Variants in ERCC4 observed in about 807,000 individuals in gnomAD.
ERCC4 encodes the protein DNA repair endonuclease XPF.
A neutral mutation model predicts 76.9 loss-of-function variants in ERCC4; 65 were observed. The ratio of observed to expected loss-of-function variants is 0.84; its 90% CI spans 0.69 to 1.04. The LOEUF is 1.04. Ranked by LOEUF, ERCC4 falls within the 50% of genes least tolerant of loss-of-function variation. The pLI, the probability that ERCC4 is intolerant of heterozygous loss-of-function variation, is 0.00. For synonymous variants in ERCC4, 463 were observed against 410.1 expected (o/e 1.13, Z -1.56); for missense variants, 1,214 against 1,128.2 (o/e 1.08, Z -1.09).
At chr16:13,940,611 A>G (rs895373432) in intron 9 of ERCC4, among the ~76,000 whole-genome samples, 3 of 152,160 alleles carry the variant, frequency 2.0e-5, no homozygotes, top group African/African-American at 4.8e-5. Flanking sequence ...GCTGAGTCAC[A>G]TAGACACAGA....
At chr16:13,933,781 G>A (rs3136137) in intron 6 of ERCC4, 4,317 of 160,714 alleles carry the variant, frequency 0.027, 195 homozygotes, top group African/African-American at 0.098. Flanking sequence ...ATGCGTATAG[G>A]AACAAAAAAT....
chr16:13,947,986 G>T lies in ERCC4; in HGVS notation c.2390G>T (p.Arg797Ile). The T allele has an allele frequency of 6.2e-7, 1 of 1,614,114 alleles. No homozygotes were observed. The highest frequency in any genetic ancestry group is 8.5e-7 in the Non-Finnish European group (1 of 1,180,034). Reference sequence around the variant, plus strand: ...ACTCTTCTTACACTTCACTTCCCCAGACTACGGATTCTCTGGTGCCCCTCT... The same window carrying T: ...ACTCTTCTTACACTTCACTTCCCCATACTACGGATTCTCTGGTGCCCCTCT... Reference protein sequence around the residue: ...KLTLLTLHFPRLRILWCPSPH... With the variant: ...KLTLLTLHFPILRILWCPSPH... Residue 797 changes from arginine (R) to isoleucine (I), a missense_variant, in exon 11 of 11, where the codon AGA (arginine) becomes ATA (isoleucine). Arg to Ile is a moderately conservative substitution (Grantham distance 97). Transcript: ENST00000311895.
intron 9 of ERCC4, among the ~76,000 whole-genome samples, chr16:13,939,362 G>T (rs1256273711): frequency 6.6e-6 from 1 of 152,120 alleles, no homozygotes; most frequent in Non-Finnish European, 1.5e-5. Context: ...TAGTGGAAAA[G>T]ACAGACATTA....
intron 5 of ERCC4, 64 bp downstream of exon 5, chr16:13,930,954 G>T: frequency 1.7e-6 from 2 of 1,165,090 alleles, no homozygotes; most frequent in South Asian, 2.5e-5. Flanking sequence ...AGGTTTTAGG[G>T]GGAATCAGGT....
At position 13,950,449 on chromosome 16, in the gene ERCC4, G is replaced by C. The variant is rs2032609366; in HGVS notation, c.*2102G>C. ...AAGATGATGTGGAGAGTAAGGAAAA[G>C]GAGAAGAAATAAAAATTAGTTTAAG... On this transcript the variant is annotated 3_prime_UTR_variant, in exon 11 of 11. Transcript: ENST00000311895. 5.3e-6 allele frequency: 1 copy of C among 189,284 alleles called. No individual in the cohort carries two copies. Among genetic ancestry groups the C allele is most frequent in the African/African-American group, 2.3e-5 (1 of 42,892 alleles). 11.7% of individuals were successfully genotyped at this position (189,284 alleles called of 1,614,324 possible). A position where few individuals can be genotyped will look rare whatever the true frequency, so the allele number is the denominator to read the frequency against.
At position 13,947,836 on chromosome 16, in the gene ERCC4, C is replaced by G. The variant is rs12928616; in HGVS notation, c.2240C>G (p.Ser747Cys). Reference sequence around the variant, plus strand: ...GGCCGCCTCTACAGCCAGTGCATCTCCATGTCCCGCTACTACAAGCGTCCC... The same window carrying G: ...GGCCGCCTCTACAGCCAGTGCATCTGCATGTCCCGCTACTACAAGCGTCCC... Reference protein sequence around the residue: ...NNGRLYSQCISMSRYYKRPVL... With the variant: ...NNGRLYSQCICMSRYYKRPVL... The change falls in exon 11 of 11, where the codon TCC (serine) becomes TGC (cysteine). Residue 747 changes from serine to cysteine, a missense_variant. Physicochemically the swap from Ser to Cys is moderately radical, Grantham distance 112. Coordinates refer to ENST00000311895, the MANE Select transcript of ERCC4 (RefSeq NM_005236.3). 23 of 1,614,082 alleles carry G rather than the reference C, an allele frequency of 1.4e-5. No individual in the cohort carries two copies. Among genetic ancestry groups the G allele is most frequent in the African/African-American group, 4.0e-5 (3 of 74,918 alleles).
intron 6 of ERCC4, 24 bp from the exon 7 acceptor site, chr16:13,934,168 T>G (rs2032237553): frequency 1.3e-4 from 192 of 1,443,348 alleles, no homozygotes; most frequent in Non-Finnish European, 1.8e-4. Flanking sequence ...TCACATAGAA[T>G]GAGATATTTT....
Position 13,935,126 on chromosome 16 carries a change from ATGT to A in ERCC4, c.1214-15_1214-13del, listed in dbSNP as rs2032256938. ...GGACAAGTGAGGTAATAGTAACATA[ATGT>A]TGTTTTCTATTTTCAGGTCAAGTAC... is the stretch of plus-strand genomic sequence containing the variant. On this transcript the variant is annotated splice_polypyrimidine_tract_variant and intron_variant, in intron 7 of 10. Transcript: ENST00000311895. 4 of 1,556,244 alleles carry A rather than the reference ATGT, an allele frequency of 2.6e-6. No individual in the cohort carries two copies. Among genetic ancestry groups the A allele is most frequent in the African/African-American group, 2.7e-5 (2 of 73,868 alleles).
At chr16:13,927,397 A>G (rs753152949) in intron 3 of ERCC4, 47 of 159,394 alleles carry the variant, frequency 2.9e-4, no homozygotes, top group Non-Finnish European at 5.1e-4. Context: ...TGTCTCTACT[A>G]TAAATACAAA....
chr16:13,951,661 T>C lies in ERCC4; in HGVS notation c.*3314T>C, dbSNP rs1310147838. 4 of 218,132 alleles carry C rather than the reference T, an allele frequency of 1.8e-5. No homozygotes were observed. Among genetic ancestry groups the C allele is most frequent in the Non-Finnish European group, 2.8e-5 (3 of 108,714 alleles). 13.5% of individuals were successfully genotyped at this position (218,132 alleles called of 1,614,324 possible). A position where few individuals can be genotyped will look rare whatever the true frequency, so the allele number is the denominator to read the frequency against. On this transcript the variant is annotated 3_prime_UTR_variant, in exon 11 of 11. Transcript: ENST00000311895. ...GGATGTGAAGGGTTAAGTCTAGATT[T>C]GGTCGCATTGAAACCCCACAATATA...
chr16:13,934,310 A>G lies in ERCC4; in HGVS notation c.1213+8A>G, dbSNP rs896172499. 2.5e-6 allele frequency: 4 copies of G among 1,568,926 alleles called. No individual in the cohort carries two copies. The highest frequency in any genetic ancestry group is 3.5e-6 in the Non-Finnish European group (4 of 1,139,084). ...AAGCTCTTGGTGGTCCAGGTAGGAA[A>G]AAAGGAGATGAAAACATTTGCTTCC... is the stretch of plus-strand genomic sequence containing the variant. On this transcript the variant is annotated splice_region_variant and intron_variant, in intron 7 of 10. Coordinates refer to ENST00000311895, the MANE Select transcript of ERCC4 (RefSeq NM_005236.3).
rs745648039 is a variant in ERCC4, at chr16:13,926,573, A to C, written c.401A>C (p.Tyr134Ser). The change falls in exon 3 of 11, where the codon TAT becomes TCT. Residue 134 changes from tyrosine to serine, a missense_variant. By Grantham distance (144) the Tyr-to-Ser change is moderately radical. Transcript: ENST00000311895. ...TTCTCCCCCTCAGGCATCTTGGTGT[A>C]TAGAGCCCACAGAATAATCGAGTCT... ...PSDLITGILVYRAHRIIESCQ... is the reference protein window; with the variant it reads ...PSDLITGILVSRAHRIIESCQ... 5.0e-6 allele frequency: 8 copies of C among 1,613,934 alleles called. No homozygotes were observed. The highest frequency in any genetic ancestry group is 6.8e-6 in the Non-Finnish European group (8 of 1,179,908).
intron 10 of ERCC4, among the ~76,000 whole-genome samples, chr16:13,945,638 T>G (rs2141617866): frequency 6.6e-6 from 1 of 152,272 alleles, no homozygotes; most frequent in African/African-American, 2.4e-5. Context: ...AAATTCCAAC[T>G]CAGTGGATGT....
Position 13,948,529 on chromosome 16 carries a change from TG to T in ERCC4, c.*183del, listed in dbSNP as rs1031773581. The T allele has an allele frequency of 1.5e-6, 1 of 670,760 alleles. No homozygotes were observed. Among genetic ancestry groups the T allele is most frequent in the African/African-American group, 1.8e-5 (1 of 55,244 alleles). The allele number at this position is 670,760 out of a possible 1,614,324, so 41.6% of individuals were successfully genotyped here. ...TCTGCAGTTAGGCATCACTTGAACT[TG>T]CCTGTGCCTGCTCTTTTTCCTCCCT... is the stretch of plus-strand genomic sequence containing the variant. On this transcript the variant is annotated 3_prime_UTR_variant, in exon 11 of 11. Transcript: ENST00000311895.
chr16:13,931,100 A>C (rs2032164312), intron 5 of ERCC4: 1 of 570,618 alleles, frequency 1.8e-6, no homozygotes, highest in Non-Finnish European at 3.1e-6. Flanking sequence ...AATAATAAAT[A>C]TTCATATCCG....
In ERCC4 at chr16:13,951,824, A is replaced by G. The variant is rs1472758826; in HGVS notation, c.*3477A>G. 1 of 222,700 alleles carries G rather than the reference A, an allele frequency of 4.5e-6. No homozygotes were observed. The highest frequency in any genetic ancestry group is 5.7e-5 in the Admixed American group (1 of 17,392). 13.8% of individuals were successfully genotyped at this position (222,700 alleles called of 1,614,324 possible). A position where few individuals can be genotyped will look rare whatever the true frequency, so the allele number is the denominator to read the frequency against. On this transcript the variant is annotated 3_prime_UTR_variant, in exon 11 of 11. Coordinates refer to ENST00000311895, the MANE Select transcript of ERCC4 (RefSeq NM_005236.3). ...GATTTTCCTTTGGCTCAGAAAACTCATTTGGGGAAATTCTCTTTTGTGTTC... is the reference window on the plus strand; with the variant it reads ...GATTTTCCTTTGGCTCAGAAAACTCGTTTGGGGAAATTCTCTTTTGTGTTC...
chr16:13,943,652 T>C lies in ERCC4; in HGVS notation c.1905-1071T>C, dbSNP rs140983084. 2.0e-3 allele frequency among the ~76,000 whole-genome samples: 307 copies of C among 152,278 alleles called. 1 individual carries two copies. The highest frequency in any genetic ancestry group is 6.6e-3 in the African/African-American group (275 of 41,558). On this transcript the variant is annotated intron_variant, in intron 9 of 10. Coordinates refer to ENST00000311895, the MANE Select transcript of ERCC4 (RefSeq NM_005236.3). ...AAATCTTGGTTGTTTTAACCCTTGT[T>C]GAAATTAATTAACATTGATGGTTCC... is the stretch of plus-strand genomic sequence containing the variant.
Position 13,948,226 on chromosome 16 carries a change from C to G in ERCC4, c.2630C>G (p.Ala877Gly), listed in dbSNP as rs755713614. ...CACGTTAAGAACATCGCAGAATTAGCAGCCCTGTCACAAGACGAGCTCACG... is the reference window on the plus strand; with the variant it reads ...CACGTTAAGAACATCGCAGAATTAGGAGCCCTGTCACAAGACGAGCTCACG... ...MHHVKNIAELAALSQDELTSI... is the reference protein window; with the variant it reads ...MHHVKNIAELGALSQDELTSI... Residue 877 changes from alanine (A) to glycine (G), a missense_variant, in exon 11 of 11, where the codon GCA (alanine) becomes GGA (glycine). Physicochemically the swap from Ala to Gly is moderately conservative, Grantham distance 60. Coordinates refer to ENST00000311895, the MANE Select transcript of ERCC4 (RefSeq NM_005236.3). The G allele has an allele frequency of 6.2e-7, 1 of 1,614,186 alleles. No homozygotes were observed. The highest frequency in any genetic ancestry group is 1.1e-5 in the South Asian group (1 of 91,082).
intron 8 of ERCC4, among the ~76,000 whole-genome samples, chr16:13,937,053 G>A (rs1371511303): frequency 1.3e-5 from 2 of 151,242 alleles, no homozygotes; most frequent in African/African-American, 2.4e-5. Flanking sequence ...CCAAGTGGCT[G>A]GGACTACAGG....
Sources: gnomAD v4.1 joint callset for allele counts (sites outside exome capture counted in the v4.1 genomes callset) on GRCh38, gnomAD v4.1.1 for gene constraint, MANE v1.5 for transcripts, NCBI Gene and HGNC (gene_info 2026-07-23, HGNC 2026-07-21) for gene names.